Variants in ZNF846 observed in about 807,000 individuals in gnomAD.
The protein encoded by ZNF846 is zinc finger protein 420 pseudogene.
A neutral mutation model predicts 16.0 loss-of-function variants in ZNF846; 15 were observed. That is an observed-to-expected ratio of 0.94 (90% CI 0.63 to 1.45). The LOEUF (loss-of-function observed/expected upper bound fraction) is 1.45, where lower values mean the gene tolerates loss of function less well. ZNF846 is among the 40% of genes most tolerant of loss of function. ZNF846 has a pLI of 0.00. For missense variants in ZNF846, 714 were observed against 622.3 expected, an observed-to-expected ratio of 1.15 and a Z score of -1.57; for synonymous variants, 229 against 212.0, an observed-to-expected ratio of 1.08 and a Z score of -0.70.
chr19:9,760,606 C>T (rs2045209728), intron 4 of ZNF846, among the ~76,000 whole-genome samples: 1 of 151,022 alleles, frequency 6.6e-6, no homozygotes, highest in Non-Finnish European at 1.5e-5. Flanking sequence ...GTGGCTGAGT[C>T]ATGAGAATCA....
At chr19:9,764,999 C>T (rs1231426437) in exon 2 of ZNF846, 1 of 1,609,098 alleles carries the variant, frequency 6.2e-7, no homozygotes, top group Non-Finnish European at 8.5e-7. Flanking sequence ...CTCGATGTTC[C>T]TGTCATGAAG....
intron 1 of ZNF846, among the ~76,000 whole-genome samples, chr19:9,777,430 T>G (rs1028695413): frequency 2.6e-5 from 4 of 151,836 alleles, no homozygotes; most frequent in African/African-American, 9.7e-5. Flanking sequence ...CCCAGCACTT[T>G]TGGAGGTCGA....
chr19:9,752,972 G>A (rs1383940064), downstream of ZNF846, among the ~76,000 whole-genome samples: 1 of 148,334 alleles, frequency 6.7e-6, no homozygotes, highest in Non-Finnish European at 1.5e-5. Flanking sequence ...TGGAGATTAG[G>A]TCAAAGCTCA....
intron 1 of ZNF846, among the ~76,000 whole-genome samples, chr19:9,767,736 A>G (rs1163924816): frequency 1.3e-5 from 2 of 152,172 alleles, no homozygotes; most frequent in East Asian, 3.9e-4. Context: ...GGAGTTCGAG[A>G]CCAGCCCAAC....
chr19:9,754,204 G>T (rs550087457), downstream of ZNF846, among the ~76,000 whole-genome samples: 1 of 151,162 alleles, frequency 6.6e-6, no homozygotes, highest in Non-Finnish European at 1.5e-5. Flanking sequence ...ATTCTCTTTA[G>T]GTTACTATTT....
At position 9,775,532 on chromosome 19, in the gene ZNF846, G is replaced by T. The variant is rs143720436; in HGVS notation, c.-86+10406C>A. ...GCAAAAATGCAGTTTGCAATGAAAG[G>T]TGCTAAGATTAAGTGGTTAGCCATC... is the stretch of plus-strand genomic sequence containing the variant. On this transcript the variant is annotated intron_variant, in intron 1 of 4. Transcript: ENST00000586814. Among the ~76,000 whole-genome samples the T allele has an allele frequency of 6.1e-3, 934 of 152,234 alleles. 7 individuals are homozygous for T. Among genetic ancestry groups the T allele is most frequent in the African/African-American group, 0.021 (890 of 41,542 alleles).
exon 6 of ZNF846, chr19:9,752,417 G>T: frequency 2.4e-6 from 1 of 408,390 alleles, no homozygotes. Context: ...ACACCAGCCT[G>T]GACAACATGA....
At chr19:9,774,591 T>C in intron 1 of ZNF846, 1 of 1,511,768 alleles carries the variant, frequency 6.6e-7, no homozygotes, top group Non-Finnish European at 9.2e-7. Flanking sequence ...GAAGCTAATT[T>C]ATTGACTTAG....
exon 2 of ZNF846, chr19:9,765,017 G>T: frequency 1.9e-6 from 3 of 1,574,686 alleles, no homozygotes; most frequent in South Asian, 1.1e-5. Flanking sequence ...AAGACAGAAA[G>T]TGTCCTGGAA....
chr19:9,750,105 C>T (rs2045072178), downstream of ZNF846, among the ~76,000 whole-genome samples: 2 of 152,162 alleles, frequency 1.3e-5, no homozygotes, highest in Admixed American at 6.5e-5. Context: ...ACACACACTA[C>T]CAAACAGATG....
chr19:9,779,060 G>A (rs1264121410), intron 1 of ZNF846, among the ~76,000 whole-genome samples: 1 of 152,086 alleles, frequency 6.6e-6, no homozygotes, highest in East Asian at 1.9e-4. Flanking sequence ...TAAACTCTCT[G>A]TGCATAATAT....
chr19:9,766,952 A>G (rs561435472), intron 1 of ZNF846, among the ~76,000 whole-genome samples: 1 of 151,814 alleles, frequency 6.6e-6, no homozygotes, highest in Non-Finnish European at 1.5e-5. Flanking sequence ...ATCTTAAAGA[A>G]GACTTGATAT....
chr19:9,748,806 A>G (rs953298102), downstream of ZNF846, among the ~76,000 whole-genome samples: 1 of 152,002 alleles, frequency 6.6e-6, no homozygotes, highest in African/African-American at 2.4e-5. Flanking sequence ...ATATGGACAT[A>G]CCTTCTTGCT....
intron 4 of ZNF846, among the ~76,000 whole-genome samples, chr19:9,761,772 G>T (rs2045234216): frequency 6.6e-6 from 1 of 151,898 alleles, no homozygotes; most frequent in Admixed American, 6.6e-5. Context: ...AACTGAGGCT[G>T]GTAGTAAGCA....
chr19:9,751,533 C>T (rs1341152345), downstream of ZNF846, among the ~76,000 whole-genome samples: 1 of 152,132 alleles, frequency 6.6e-6, no homozygotes, highest in South Asian at 2.1e-4. Context: ...TTGTAACATT[C>T]CTCCCCACCC....
At chr19:9,759,889 C>T (rs2045195412) in exon 5 of ZNF846, 3 of 1,613,140 alleles carry the variant, frequency 1.9e-6, no homozygotes, top group Non-Finnish European at 2.5e-6. Context: ...GATCTTTCTG[C>T]AGAAATATCT....
chr19:9,752,876 T>G (rs2045097549), downstream of ZNF846, among the ~76,000 whole-genome samples: 2 of 152,188 alleles, frequency 1.3e-5, no homozygotes, highest in South Asian at 4.1e-4. Context: ...TTCACTACTT[T>G]CACTGTATCT....
At chr19:9,763,298 C>A in exon 3 of ZNF846, 2 of 1,599,932 alleles carry the variant, frequency 1.3e-6, no homozygotes, top group Admixed American at 1.7e-5. Flanking sequence ...TAATGAGATT[C>A]TTGTAGTTCT....
rs540669031 is a variant in ZNF846, at chr19:9,762,896, G to A, written c.142+386C>T. On this transcript the variant is annotated intron_variant, in intron 3 of 5. Transcript: ENST00000397902. ...ATGGTGGCTCACGCCTGTAATCCTA[G>A]CACTTTGGGAGGCCAAAGCAGGTGG... Among the ~76,000 whole-genome samples the A allele has an allele frequency of 1.2e-4, 18 of 152,282 alleles. 1 individual carries two copies. The South Asian group carries it at 3.5e-3, about 30-fold the overall frequency.
Sources: gnomAD v4.1 joint callset for allele counts (sites outside exome capture counted in the v4.1 genomes callset) on GRCh38, gnomAD v4.1.1 for gene constraint, MANE v1.5 for transcripts, NCBI Gene and HGNC (gene_info 2026-07-23, HGNC 2026-07-21) for gene names.